Variants in PRDM7 observed in about 807,000 individuals in gnomAD.
PRDM7 encodes histone-lysine N-methyltransferase PRDM7.
A neutral mutation model predicts 64.3 loss-of-function variants in PRDM7; 52 were observed. The observed-to-expected ratio is 0.81, with a 90% CI of 0.65 to 1.02. The LOEUF (loss-of-function observed/expected upper bound fraction) is 1.02, where lower values mean the gene tolerates loss of function less well. PRDM7 is among the 50% of genes least tolerant of loss of function. The pLI is 0.00. For missense variants in PRDM7, 574 were observed against 597.1 expected (o/e 0.96, Z 0.40); for synonymous variants, 192 against 210.1 (o/e 0.91, Z 0.74).
chr16:90,069,404 C>G (rs1193135477), intron 4 of PRDM7, among the ~76,000 whole-genome samples: 1 of 151,170 alleles, frequency 6.6e-6, no homozygotes, highest in Non-Finnish European at 1.5e-5. Context: ...TACAGAACTT[C>G]AAGAAGAAAA....
At chr16:90,071,951 G>A (rs772339286) in intron 4 of PRDM7, among the ~76,000 whole-genome samples, 16 of 152,322 alleles carry the variant, frequency 1.1e-4, no homozygotes, top group Non-Finnish European at 2.1e-4. Context: ...CCAGCACTTC[G>A]GGAGGCCGCG....
At chr16:90,073,259 T>G (rs1305489249) in intron 4 of PRDM7, among the ~76,000 whole-genome samples, 1 of 152,186 alleles carries the variant, frequency 6.6e-6, no homozygotes, top group African/African-American at 2.4e-5. Context: ...TTCTAAGACA[T>G]TTAACTCAAT....
intron 4 of PRDM7, among the ~76,000 whole-genome samples, chr16:90,073,646 G>A (rs942055327): frequency 5.9e-5 from 9 of 152,052 alleles, no homozygotes; most frequent in African/African-American, 2.2e-4. Context: ...TGATTCGCCT[G>A]CCTCGGCCTC....
intron 5 of PRDM7, among the ~76,000 whole-genome samples, chr16:90,065,552 C>T (rs997792206): frequency 1.3e-5 from 2 of 150,742 alleles, no homozygotes; most frequent in Admixed American, 6.6e-5. Context: ...CTGAGCTACA[C>T]GGCAAAACCC....
At position 90,060,086 on chromosome 16, in the gene PRDM7, T is replaced by C. The variant is rs2037746246; in HGVS notation, c.1233+255A>G. ...GAACTTGATTTTTGTCTTTAAGTCT[T>C]TGAGCACTGTATGCTGTTATATACT... On this transcript the variant is annotated intron_variant, in intron 10 of 10. Coordinates refer to ENST00000449207, the MANE Select transcript of PRDM7 (RefSeq NM_001098173.2). Among the ~76,000 whole-genome samples, 4 of 152,240 alleles carry C rather than the reference T, an allele frequency of 2.6e-5. No homozygotes were observed. In the South Asian group the frequency reaches 8.3e-4, roughly 31 times the overall value.
At chr16:90,058,990 A>G (rs1237245046) in intron 10 of PRDM7, among the ~76,000 whole-genome samples, 1 of 152,172 alleles carries the variant, frequency 6.6e-6, no homozygotes, top group East Asian at 1.9e-4. Context: ...CTTAGGTGAG[A>G]TTGTCCTTAG....
At chr16:90,060,037 T>C (rs1443904454) in intron 10 of PRDM7, among the ~76,000 whole-genome samples, 5 of 152,320 alleles carry the variant, frequency 3.3e-5, no homozygotes, top group East Asian at 1.9e-4. Context: ...AACTACCTTG[T>C]TGGGAGAGCT....
chr16:90,067,629 C>T (rs1343557661), intron 4 of PRDM7, among the ~76,000 whole-genome samples: 1 of 136,890 alleles, frequency 7.3e-6, no homozygotes, highest in Non-Finnish European at 1.5e-5. Flanking sequence ...CTCGCTCTGT[C>T]ACCCAGGCTG....
chr16:90,072,332 C>T (rs4785624), intron 4 of PRDM7, among the ~76,000 whole-genome samples: 123,634 of 152,160 alleles, frequency 0.81, 51,582 homozygotes, highest in East Asian at 0.99. Context: ...AGCAACCTAA[C>T]ATCCATTGAC....
intron 10 of PRDM7, among the ~76,000 whole-genome samples, chr16:90,059,048 A>T (rs2037726085): frequency 6.6e-6 from 1 of 152,240 alleles, no homozygotes; most frequent in African/African-American, 2.4e-5. Flanking sequence ...CTCAGCCTGG[A>T]GATCCACAAA....
intron 1 of PRDM7, among the ~76,000 whole-genome samples, chr16:90,076,433 ACCTGGGGATTC>A (rs776115874): frequency 0.046 from 7,009 of 152,154 alleles, 244 homozygotes; most frequent in East Asian, 0.15. Flanking sequence ...GGGGATCTCT[ACCTGGGGATTC>A]TAGAAAAATC....
In PRDM7 at chr16:90,057,448, G is replaced by A. The variant is rs574264265; in HGVS notation, c.*841C>T. ...ATTCCTGTGGAGACTTGAACTGAAC[G>A]TTTGAGTTCTCTGTGGCCCTTCTGG... On this transcript the variant is annotated 3_prime_UTR_variant, in exon 11 of 11. Transcript: ENST00000449207. 1.8e-4 allele frequency: 29 copies of A among 165,692 alleles called. No individual in the cohort carries two copies. The highest frequency in any genetic ancestry group is 3.3e-4 in the Non-Finnish European group (25 of 75,984). 10.3% of individuals were successfully genotyped at this position (165,692 alleles called of 1,614,324 possible).
At chr16:90,065,075 T>C (rs1430828272) in intron 5 of PRDM7, among the ~76,000 whole-genome samples, 1 of 150,868 alleles carries the variant, frequency 6.6e-6, no homozygotes, top group East Asian at 1.9e-4. Context: ...AAAGTGTTTT[T>C]TGAGCTACTT....
At chr16:90,061,622 C>T in intron 8 of PRDM7, 103 bp from the exon 9 acceptor site, 1 of 1,383,424 alleles carries the variant, frequency 7.2e-7, no homozygotes, top group Non-Finnish European at 1.0e-6. Context: ...AGAGCTTCAA[C>T]TGCCAACTGA....
chr16:90,070,581 TA>T (rs751276304), intron 4 of PRDM7, among the ~76,000 whole-genome samples: 1 of 150,338 alleles, frequency 6.7e-6, no homozygotes, highest in Admixed American at 6.6e-5. Context: ...TGAGGCTGTC[TA>T]AAAAAAAATC....
At chr16:90,065,676 A>C (rs1282270704) in intron 5 of PRDM7, among the ~76,000 whole-genome samples, 2 of 151,274 alleles carry the variant, frequency 1.3e-5, no homozygotes, top group Non-Finnish European at 2.9e-5. Flanking sequence ...TGGAGGCTGC[A>C]GTAAGCCGAG....
Position 90,075,820 on chromosome 16 carries a change from C to T in PRDM7, c.69+22G>A, listed in dbSNP as rs1025846506. On this transcript the variant is annotated intron_variant, in intron 2 of 10. Transcript: ENST00000449207. This position sits in a 1 kb window ranked among gnomAD's most constrained non-coding sequence, Gnocchi z 4.3. ...AGATCAGCTCCTGCTGGGAGTCTGG[C>T]TTCGCCTCCCCGACTTCTCACCATG... 10 of 1,611,582 alleles carry T rather than the reference C, an allele frequency of 6.2e-6. No individual in the cohort carries two copies. The African/African-American group carries it at 1.3e-4, about 22-fold the overall frequency.
intron 7 of PRDM7, 84 bp downstream of exon 7, chr16:90,062,317 G>T: frequency 6.2e-7 from 1 of 1,613,468 alleles, no homozygotes; most frequent in South Asian, 1.1e-5. Context: ...ATTCGAGTAA[G>T]GGAATGATTT....
rs774435782 is a variant in PRDM7, at chr16:90,057,863, G to A, written c.*426C>T. 6.0e-6 allele frequency: 9 copies of A among 1,507,890 alleles called. No individual in the cohort carries two copies. The highest frequency in any genetic ancestry group is 8.1e-6 in the Non-Finnish European group (9 of 1,107,092). 93.4% of individuals were successfully genotyped at this position (1,507,890 alleles called of 1,614,324 possible). A position where few individuals can be genotyped will look rare whatever the true frequency, so the allele number is the denominator to read the frequency against. Reference sequence around the variant, plus strand: ...TTACTCATCCTTCCTGCAGACTGGGGCGTCTCCCCTGTGTGTCCTCTGGTG... The same window carrying A: ...TTACTCATCCTTCCTGCAGACTGGGACGTCTCCCCTGTGTGTCCTCTGGTG... On this transcript the variant is annotated 3_prime_UTR_variant, in exon 11 of 11. Transcript: ENST00000449207.
Sources: gnomAD v4.1 joint callset for allele counts (sites outside exome capture counted in the v4.1 genomes callset) on GRCh38, gnomAD v4.1.1 for gene constraint, Gnocchi (gnomAD v3.1) non-coding constraint, MANE v1.5 for transcripts, NCBI Gene and HGNC (gene_info 2026-07-23, HGNC 2026-07-21) for gene names.